PEX5: variants seen among roughly 807,000 people sequenced by gnomAD.
The protein encoded by PEX5 is PTS1 receptor.
A neutral mutation model predicts 82.9 loss-of-function variants in PEX5; 52 were observed. That is an observed-to-expected ratio of 0.63 (90% CI 0.50 to 0.79). The LOEUF (loss-of-function observed/expected upper bound fraction) is 0.79, where lower values mean the gene tolerates loss of function less well. Among genes scored for constraint, PEX5 ranks in the 30% least tolerant of loss-of-function variants. The pLI is 0.00. For synonymous variants in PEX5, 300 were observed against 318.8 expected (o/e 0.94, Z 0.63); for missense variants, 719 against 815.2 (o/e 0.88, Z 1.44).
downstream of PEX5, among the ~76,000 whole-genome samples, chr12:7,213,991 A>C (rs1256012184): frequency 2.0e-5 from 3 of 151,692 alleles, no homozygotes; most frequent in African/African-American, 7.2e-5. Context: ...ATCACTGGCC[A>C]TCAGAGAAAT....
At chr12:7,190,263 G>A (rs1940746858) in intron 1 of PEX5, 99 bp from the exon 2 acceptor site, 2 of 1,592,388 alleles carry the variant, frequency 1.3e-6, no homozygotes, top group African/African-American at 2.7e-5. Flanking sequence ...GCCAGTGTGG[G>A]GCAGACGCCT....
chr12:7,209,222 G>C, intron 14 of PEX5, 52 bp downstream of exon 14: 2 of 1,584,290 alleles, frequency 1.3e-6, no homozygotes, highest in Non-Finnish European at 1.7e-6. Flanking sequence ...CCTTATTGAA[G>C]AGCCATTTGT....
chr12:7,194,485 TG>T (rs1338571784), intron 5 of PEX5, among the ~76,000 whole-genome samples: 2 of 152,234 alleles, frequency 1.3e-5, no homozygotes, highest in African/African-American at 4.8e-5. Flanking sequence ...TTTGTGTGTG[TG>T]TGTTTTTTGC....
At chr12:7,194,780 T>C (rs867012823) in intron 5 of PEX5, among the ~76,000 whole-genome samples, 1 of 152,206 alleles carries the variant, frequency 6.6e-6, no homozygotes, top group South Asian at 2.1e-4. Context: ...GGAAAAGCCA[T>C]GGATAGCAGT....
At chr12:7,196,132 GTA>G (rs78613188) in intron 5 of PEX5, among the ~76,000 whole-genome samples, 61,794 of 141,294 alleles carry the variant, frequency 0.44, 14,641 homozygotes, top group Admixed American at 0.6. Flanking sequence ...TATATATAAT[GTA>G]TTTCTTATTA....
Position 7,199,093 on chromosome 12 carries a change from G to A in PEX5, c.531G>A (p.Glu177=), listed in dbSNP as rs1943249013. ...AGAAGCTGTGGCTGGGAGAACCTGA[G>A]GGAACAGCCACCGATCGCTGGTGAG... ...SEEKLWLGEP[E]GTATDRWYDE... The change falls in exon 6 of 16, where the codon GAG becomes GAA. Residue 177 remains glutamate, a synonymous_variant. Transcript: ENST00000675855. 2 of 1,602,440 alleles carry A rather than the reference G, an allele frequency of 1.2e-6. No individual in the cohort carries two copies. The highest frequency in any genetic ancestry group is 1.7e-6 in the Non-Finnish European group (2 of 1,172,562).
Position 7,199,063 on chromosome 12 carries a change from AGAG to A in PEX5, c.505_507del (p.Glu169del), listed in dbSNP as rs773404109. 6.8e-6 allele frequency: 11 copies of A among 1,610,622 alleles called. No individual in the cohort carries two copies. The highest frequency in any genetic ancestry group is 8.5e-6 in the Non-Finnish European group (10 of 1,178,294). Reference sequence around the variant, plus strand: ...GGGCTGAGGAATATTTGGAGCAATCAGAGGAGAAGCTGTGGCTGGGAGAACCTG... The same window carrying A: ...GGGCTGAGGAATATTTGGAGCAATCAGAGAAGCTGTGGCTGGGAGAACCTG... On this transcript the variant is annotated inframe_deletion, in exon 6 of 16. Coordinates refer to ENST00000675855, the MANE Select transcript of PEX5 (RefSeq NM_001351132.2).
chr12:7,201,324 TACAC>T (rs765111582), intron 6 of PEX5, among the ~76,000 whole-genome samples: 96 of 28,428 alleles, frequency 3.4e-3, no homozygotes, highest in African/African-American at 6.2e-3. Flanking sequence ...TGTATATACA[TACAC>T]ACATACACGT....
Position 7,210,318 on chromosome 12 carries a change from C to G in PEX5, c.*95C>G, listed in dbSNP as rs1945411945. The stretch of plus-strand genomic sequence containing the variant: ...CAAATGGGCCTACCAAGGGGGCGGG[C>G]TGATGACCATAAGCGGTACGGCCTT... On this transcript the variant is annotated 3_prime_UTR_variant, in exon 16 of 16. Transcript: ENST00000675855. The G allele has an allele frequency of 8.4e-7, 1 of 1,186,922 alleles. No individual in the cohort carries two copies. Among genetic ancestry groups the G allele is most frequent in the Non-Finnish European group, 1.2e-6 (1 of 802,268 alleles). 73.5% of individuals were successfully genotyped at this position (1,186,922 alleles called of 1,614,324 possible).
At chr12:7,199,139 T>C in intron 6 of PEX5, 26 bp downstream of exon 6, 1 of 1,332,602 alleles carries the variant, frequency 7.5e-7, no homozygotes, top group Non-Finnish European at 1.1e-6. Context: ...TCTTTCCGAA[T>C]CCCGTGAAAG....
chr12:7,198,976 C>A, intron 5 of PEX5, 35 bp from the exon 6 acceptor site: 1 of 1,161,914 alleles, frequency 8.6e-7, no homozygotes, highest in South Asian at 1.3e-5. Context: ...ACTGAATGAA[C>A]CTGTGTGATT....
At chr12:7,217,839 A>G (rs1945821187) in intron 17 of PEX5, among the ~76,000 whole-genome samples, 2 of 152,134 alleles carry the variant, frequency 1.3e-5, no homozygotes, top group East Asian at 3.9e-4. Context: ...CTGCATGTGC[A>G]CCTGTACATT....
rs1368344617 is a variant in PEX5, at chr12:7,208,600, C to G, written c.1325C>G (p.Pro442Arg). 1 of 1,614,154 alleles carries G rather than the reference C, an allele frequency of 6.2e-7. No individual in the cohort carries two copies. Among genetic ancestry groups the G allele is most frequent in the Admixed American group, 1.7e-5 (1 of 60,026 alleles). Reference sequence around the variant, plus strand: ...CCAGCCTATGCCCATCTGGTGACACCTGCTGAAGAAGGGGCTGGTGGGGCA... The same window carrying G: ...CCAGCCTATGCCCATCTGGTGACACGTGCTGAAGAAGGGGCTGGTGGGGCA... Reference protein sequence around the residue: ...YTPAYAHLVTPAEEGAGGAGL... With the variant: ...YTPAYAHLVTRAEEGAGGAGL... Residue 442 changes from proline to arginine, a missense_variant, in exon 13 of 16, where the codon CCT becomes CGT. By Grantham distance (103) the Pro-to-Arg change is moderately radical. Transcript: ENST00000675855.
chr12:7,207,913 A>G, intron 11 of PEX5, 97 bp from the exon 12 acceptor site: 2 of 1,518,534 alleles, frequency 1.3e-6, no homozygotes. Flanking sequence ...GGCCTAGGAT[A>G]GGGGCTTGAG....
intron 10 of PEX5, among the ~76,000 whole-genome samples, chr12:7,204,421 T>C (rs759997734): frequency 4.6e-4 from 70 of 152,148 alleles, no homozygotes; most frequent in Non-Finnish European, 1.0e-4. Flanking sequence ...AAGATGCAGT[T>C]CAGAAAAAGG....
At chr12:7,213,840 T>C (rs1945699519), downstream of PEX5, among the ~76,000 whole-genome samples, 1 of 150,764 alleles carries the variant, frequency 6.6e-6, no homozygotes, top group African/African-American at 2.4e-5. Context: ...GACAAAGGGC[T>C]AATATCCAGA....
chr12:7,194,784 T>C (rs1257944677), intron 5 of PEX5, among the ~76,000 whole-genome samples: 3 of 152,212 alleles, frequency 2.0e-5, no homozygotes, highest in African/African-American at 7.2e-5. Context: ...AAGCCATGGA[T>C]AGCAGTAGCA....
chr12:7,210,478 A>G lies in PEX5; in HGVS notation c.*255A>G. On this transcript the variant is annotated 3_prime_UTR_variant, in exon 16 of 16. Coordinates refer to ENST00000675855, the MANE Select transcript of PEX5 (RefSeq NM_001351132.2). The stretch of plus-strand genomic sequence containing the variant: ...CATCCAGCTACAGATCTCTCTGCTC[A>G]TCATGCCCTTTCTTGGTGCTGCTTT... 3.5e-6 allele frequency: 2 copies of G among 579,064 alleles called. No individual in the cohort carries two copies. The highest frequency in any genetic ancestry group is 3.1e-6 in the Non-Finnish European group (1 of 322,384). The allele number at this position is 579,064 out of a possible 1,614,324, so 35.9% of individuals were successfully genotyped here. A position where few individuals can be genotyped will look rare whatever the true frequency, so the allele number is the denominator to read the frequency against.
intron 5 of PEX5, among the ~76,000 whole-genome samples, chr12:7,195,063 G>A (rs959459354): frequency 6.6e-6 from 1 of 152,310 alleles, no homozygotes; most frequent in Admixed American, 6.5e-5. Flanking sequence ...TTAAATGTGG[G>A]TAGACTGACC....
Sources: allele counts gnomAD v4.1 joint callset (sites outside exome capture counted in the v4.1 genomes callset), GRCh38; gene constraint gnomAD v4.1.1; transcripts MANE v1.5; gene names NCBI Gene and HGNC (gene_info 2026-07-23, HGNC 2026-07-21).